RGS9: variants seen among roughly 807,000 people sequenced by gnomAD.
The protein encoded by RGS9 is regulator of G protein signaling 9.
RGS9 carries 78 observed loss-of-function variants against 102.0 expected under a neutral mutation model. The ratio of observed to expected loss-of-function variants is 0.76; its 90% CI spans 0.64 to 0.92. RGS9 has a LOEUF of 0.92. Among genes scored for constraint, RGS9 ranks in the 40% least tolerant of loss-of-function variants. The pLI is 0.00. For synonymous variants in RGS9, 353 were observed against 318.6 expected, an observed-to-expected ratio of 1.11 and a Z score of -1.15; for missense variants, 833 against 866.1, an observed-to-expected ratio of 0.96 and a Z score of 0.48.
At chr17:65,226,855 T>C (rs1905709517) in intron 18 of RGS9, among the ~76,000 whole-genome samples, 1 of 152,134 alleles carries the variant, frequency 6.6e-6, no homozygotes. Context: ...CCTCAGGCGA[T>C]CCGCCTGTCT....
chr17:65,148,537 T>C (rs893466090), intron 1 of RGS9, among the ~76,000 whole-genome samples: 4 of 152,212 alleles, frequency 2.6e-5, no homozygotes, highest in African/African-American at 9.6e-5. Context: ...CTACCAACAG[T>C]GCACAGGGTT....
chr17:65,137,534 G>C lies in RGS9; in HGVS notation c.-7G>C, dbSNP rs775323646. On this transcript the variant is annotated 5_prime_UTR_variant, in exon 1 of 19. Coordinates refer to ENST00000262406, the MANE Select transcript of RGS9 (RefSeq NM_003835.4). Reference sequence around the variant, plus strand: ...TGCTCTGGCTGTGAATCCATCCAGGGGCCAGGATGACAATCCGACACCAAG... The same window carrying C: ...TGCTCTGGCTGTGAATCCATCCAGGCGCCAGGATGACAATCCGACACCAAG... 1.9e-6 allele frequency: 3 copies of C among 1,611,384 alleles called. No individual in the cohort carries two copies. The highest frequency in any genetic ancestry group is 2.5e-6 in the Non-Finnish European group (3 of 1,179,654).
chr17:65,203,385 C>T (rs199500541), intron 14 of RGS9, among the ~76,000 whole-genome samples: 1 of 152,146 alleles, frequency 6.6e-6, no homozygotes, highest in Admixed American at 6.5e-5. Context: ...GCACACACAA[C>T]TCCTGATTCC....
chr17:65,176,712 C>T (rs983931303), intron 8 of RGS9, among the ~76,000 whole-genome samples: 10 of 123,388 alleles, frequency 8.1e-5, no homozygotes, highest in African/African-American at 4.2e-4. Context: ...CTCACTCAAC[C>T]ATCCATCCAT....
At chr17:65,148,341 A>AT (rs1910449511) in intron 1 of RGS9, among the ~76,000 whole-genome samples, 1 of 152,214 alleles carries the variant, frequency 6.6e-6, no homozygotes, top group African/African-American at 2.4e-5. Flanking sequence ...TTATTTCCAC[A>AT]TTTTGGCTAA....
rs749536734 is a variant in RGS9, at chr17:65,204,296, A to C, written c.1198A>C (p.Lys400Gln). 1.9e-6 allele frequency: 3 copies of C among 1,613,864 alleles called. No individual in the cohort carries two copies. Among genetic ancestry groups the C allele is most frequent in the Non-Finnish European group, 2.5e-6 (3 of 1,180,010 alleles). Residue 400 changes from lysine to glutamine, a missense_variant, in exon 15 of 19, where the codon AAG becomes CAG. By Grantham distance (53) the Lys-to-Gln change is moderately conservative. Around this residue, in one of 3 missense-constraint regions of RGS9, gnomAD observed 185 missense variants for 248.7 expected, o/e 0.74. Transcript: ENST00000262406. ...AAQTHIYMLM[K>Q]KDSYARYLKS... The stretch of plus-strand genomic sequence containing the variant: ...ACAAACCCACATTTACATGCTCATG[A>C]AGAAGGTAGGTGGGTCCGTGCTGTG...
At chr17:65,157,978 C>A (rs1350261752) in intron 2 of RGS9, among the ~76,000 whole-genome samples, 3 of 152,024 alleles carry the variant, frequency 2.0e-5, no homozygotes, top group Non-Finnish European at 2.9e-5. Flanking sequence ...GAATAACAGA[C>A]CATGTACAAG....
At chr17:65,197,920 C>T (rs1052124696) in intron 13 of RGS9, among the ~76,000 whole-genome samples, 8 of 152,158 alleles carry the variant, frequency 5.3e-5, no homozygotes, top group Admixed American at 2.0e-4. Flanking sequence ...ATCTGCCCTC[C>T]CCAGCCTCCC....
chr17:65,167,801 G>A (rs1369445380), intron 7 of RGS9, among the ~76,000 whole-genome samples: 3 of 152,154 alleles, frequency 2.0e-5, no homozygotes, highest in Non-Finnish European at 2.9e-5. Flanking sequence ...GGCTGGTGGC[G>A]GCAATATGAT....
intron 9 of RGS9, among the ~76,000 whole-genome samples, chr17:65,178,942 T>C (rs777373746): frequency 3.9e-5 from 6 of 152,180 alleles, no homozygotes; most frequent in Non-Finnish European, 8.8e-5. Context: ...ATCAAAAATG[T>C]CTCCAGACAT....
chr17:65,149,109 C>A (rs1338167840), intron 1 of RGS9, among the ~76,000 whole-genome samples: 1 of 150,974 alleles, frequency 6.6e-6, no homozygotes, highest in Non-Finnish European at 1.5e-5. Flanking sequence ...TTGTAGGCGC[C>A]CGCCACCATG....
intron 2 of RGS9, among the ~76,000 whole-genome samples, chr17:65,156,409 G>T (rs1910769151): frequency 6.6e-6 from 1 of 152,224 alleles, no homozygotes. Context: ...CTGGATTTGG[G>T]CGAGGTCGCC....
intron 8 of RGS9, among the ~76,000 whole-genome samples, chr17:65,176,710 A>ACTAT (rs1911637098): frequency 6.8e-6 from 1 of 147,140 alleles, no homozygotes; most frequent in South Asian, 2.2e-4. Flanking sequence ...TACTCACTCA[A>ACTAT]CCATCCATCC....
intron 17 of RGS9, 115 bp from the exon 18 acceptor site, chr17:65,224,887 C>A: frequency 7.1e-7 from 1 of 1,412,136 alleles, no homozygotes; most frequent in Non-Finnish European, 9.9e-7. Flanking sequence ...GCAGCCATAT[C>A]AGGCCCGCAC....
intron 17 of RGS9, among the ~76,000 whole-genome samples, chr17:65,224,225 G>T (rs1051194938): frequency 6.6e-6 from 1 of 152,240 alleles, no homozygotes; most frequent in African/African-American, 2.4e-5. Flanking sequence ...AGGCAACTTT[G>T]GGCTGTAAAT....
chr17:65,227,156 C>G (rs1227459824), intron 18 of RGS9, 119 bp from the exon 19 acceptor site: 3 of 1,404,126 alleles, frequency 2.1e-6, no homozygotes, highest in Non-Finnish European at 3.0e-6. Flanking sequence ...CTGCCCCCAC[C>G]ACAGTCTTTG....
chr17:65,208,727 C>A (rs1276477666), intron 16 of RGS9, among the ~76,000 whole-genome samples: 2 of 152,152 alleles, frequency 1.3e-5, no homozygotes, highest in Admixed American at 6.5e-5. Flanking sequence ...TCCTGTCCCC[C>A]CCAAAGTGAG....
chr17:65,203,487 A>G (rs1912933094), intron 14 of RGS9, among the ~76,000 whole-genome samples: 2 of 152,198 alleles, frequency 1.3e-5, no homozygotes, highest in South Asian at 4.1e-4. Flanking sequence ...CTCAGTTTCA[A>G]TTCCAAAATT....
chr17:65,196,425 A>G (rs972795543), intron 12 of RGS9, among the ~76,000 whole-genome samples: 2 of 152,244 alleles, frequency 1.3e-5, no homozygotes, highest in Non-Finnish European at 2.9e-5. Context: ...GGAGAATTCC[A>G]TAAGGGATAG....
Sources: gnomAD v4.1 joint callset for allele counts (sites outside exome capture counted in the v4.1 genomes callset) on GRCh38, gnomAD v4.1.1 for gene constraint, gnomAD v4.1.1 regional missense constraint, MANE v1.5 for transcripts, NCBI Gene and HGNC (gene_info 2026-07-23, HGNC 2026-07-21) for gene names.